CACNA2D1: variants seen among roughly 807,000 people sequenced by gnomAD.
CACNA2D1 encodes voltage-dependent calcium channel subunit alpha-2/delta-1.
CACNA2D1 carries 53 observed loss-of-function variants against 171.5 expected under a neutral mutation model. The ratio of observed to expected loss-of-function variants is 0.31; its 90% CI spans 0.25 to 0.39. CACNA2D1 has a LOEUF of 0.39. Ranked by LOEUF, CACNA2D1 falls within the 10% of genes least tolerant of loss-of-function variation. The pLI, the probability that CACNA2D1 is intolerant of heterozygous loss-of-function variation, is 1.00. For synonymous variants in CACNA2D1, 442 were observed against 443.1 expected (o/e 1.00, Z 0.03); for missense variants, 903 against 1,299.8 (o/e 0.69, Z 4.69).
At chr7:82,070,400 T>C (rs886890754) in intron 7 of CACNA2D1, among the ~76,000 whole-genome samples, 2 of 149,750 alleles carry the variant, frequency 1.3e-5, no homozygotes, top group African/African-American at 5.1e-5. Flanking sequence ...AAATCTTTTG[T>C]ATCTTAGTAT....
intron 1 of CACNA2D1, among the ~76,000 whole-genome samples, chr7:82,390,340 T>C (rs1824960079): frequency 6.6e-6 from 1 of 152,156 alleles, no homozygotes; most frequent in Admixed American, 6.5e-5. Flanking sequence ...ATATCACATG[T>C]ACCCAAGCAA....
chr7:82,006,630 T>C (rs1308311682), intron 16 of CACNA2D1, among the ~76,000 whole-genome samples: 1 of 152,152 alleles, frequency 6.6e-6, no homozygotes, highest in Non-Finnish European at 1.5e-5. Context: ...TCAACAACTA[T>C]GCTCTTTTCC....
At chr7:81,959,887 T>C in intron 36 of CACNA2D1, 58 bp from the exon 37 acceptor site, 1 of 1,567,834 alleles carries the variant, frequency 6.4e-7, no homozygotes, top group South Asian at 1.2e-5. Context: ...TAAATGGAAA[T>C]CTTTCAAAGA....
Position 82,146,418 on chromosome 7 carries a change from CTTTACATATACATATTTATA to C in CACNA2D1, c.355-9762_355-9743del, listed in dbSNP as rs1793080979. ...TATAAAGATATATATTTATATATAT[CTTTACATATACATATTTATA>C]TTTATATATATAAAGATATATATAA... On this transcript the variant is annotated intron_variant, in intron 4 of 38. Coordinates refer to ENST00000356860, the MANE Select transcript of CACNA2D1 (RefSeq NM_000722.4). Among the ~76,000 whole-genome samples, 4 of 138,484 alleles carry C rather than the reference CTTTACATATACATATTTATA, an allele frequency of 2.9e-5. 1 individual carries two copies. Among genetic ancestry groups the C allele is most frequent in the African/African-American group, 2.7e-5 (1 of 37,502 alleles). 90.9% of individuals were successfully genotyped at this position (138,484 alleles called of 152,430 possible).
chr7:82,083,553 G>T (rs924737668), intron 7 of CACNA2D1, among the ~76,000 whole-genome samples: 1 of 151,644 alleles, frequency 6.6e-6, no homozygotes, highest in Non-Finnish European at 1.5e-5. Context: ...TTCCATAAAG[G>T]GAAAATTCCA....
intron 3 of CACNA2D1, among the ~76,000 whole-genome samples, chr7:82,172,616 C>CTTTTTTTTTTTTTTT (rs55737158): frequency 1.6e-5 from 1 of 64,512 alleles, no homozygotes; most frequent in African/African-American, 7.5e-5. Flanking sequence ...AGAAACCCGG[C>CTTTTTTTTTTTTTTT]TTTTTTTTTT....
intron 38 of CACNA2D1, 47 bp from the exon 39 acceptor site, chr7:81,950,555 A>T (rs1483822664): frequency 6.4e-7 from 1 of 1,556,588 alleles, no homozygotes; most frequent in Non-Finnish European, 8.7e-7. Flanking sequence ...AAAATCTAAA[A>T]ATCTTGAAAA....
chr7:82,121,530 G>C (rs896003109), intron 5 of CACNA2D1, among the ~76,000 whole-genome samples: 12 of 152,162 alleles, frequency 7.9e-5, no homozygotes, highest in African/African-American at 2.9e-4. Flanking sequence ...GATGAATCTA[G>C]TACAATGACA....
At chr7:82,090,160 A>T (rs1053097466) in intron 6 of CACNA2D1, among the ~76,000 whole-genome samples, 14 of 152,148 alleles carry the variant, frequency 9.2e-5, no homozygotes, top group Non-Finnish European at 1.9e-4. Flanking sequence ...TATCCCTCCT[A>T]GAAAATTACA....
intron 3 of CACNA2D1, among the ~76,000 whole-genome samples, chr7:82,298,122 T>C (rs568630003): frequency 1.2e-4 from 19 of 152,332 alleles, no homozygotes; most frequent in African/African-American, 4.6e-4. Flanking sequence ...TGGTAATTAT[T>C]GAGTAATATT....
rs745501384 is a variant in CACNA2D1, at chr7:81,970,737, G to A, written c.2142C>T (p.Ile714=). 18 of 1,568,798 alleles carry A rather than the reference G, an allele frequency of 1.1e-5. No individual in the cohort carries two copies. Among genetic ancestry groups the A allele is most frequent in the Admixed American group, 8.4e-5 (5 of 59,720 alleles). The part of the protein sequence containing the change: ...VQNYWSKQKN[I]KGVKARFVVT... ...CAACAAATCGTGCTTTCACTCCCTT[G>A]CTGAAACAGAAGACAAAACAAGGAA... Residue 714 remains isoleucine (I), a splice_region_variant and synonymous_variant, in exon 27 of 39, where the codon ATC becomes ATT. Transcript: ENST00000356860.
At chr7:82,361,456 A>T (rs1381371506) in intron 1 of CACNA2D1, among the ~76,000 whole-genome samples, 1 of 152,174 alleles carries the variant, frequency 6.6e-6, no homozygotes, top group Non-Finnish European at 1.5e-5. Flanking sequence ...ACAGAAAAAG[A>T]AGTCATTTTT....
At chr7:82,360,693 G>A (rs1820993818) in intron 1 of CACNA2D1, among the ~76,000 whole-genome samples, 1 of 152,144 alleles carries the variant, frequency 6.6e-6, no homozygotes, top group South Asian at 2.1e-4. Context: ...TAGAAAATAT[G>A]ACTATTTCAG....
chr7:82,012,254 G>GGAAAAA lies in CACNA2D1; in HGVS notation c.1273-12_1273-11insTTTTTC. 1 of 1,223,360 alleles carries GGAAAAA rather than the reference G, an allele frequency of 8.2e-7. No individual in the cohort carries two copies. The highest frequency in any genetic ancestry group is 1.2e-6 in the Non-Finnish European group (1 of 854,940). 75.8% of individuals were successfully genotyped at this position (1,223,360 alleles called of 1,614,324 possible). A position where few individuals can be genotyped will look rare whatever the true frequency, so the allele number is the denominator to read the frequency against. On this transcript the variant is annotated splice_polypyrimidine_tract_variant and intron_variant, in intron 14 of 38. Transcript: ENST00000356860. The stretch of plus-strand genomic sequence containing the variant: ...AACATCCAAATATTCCTGTTTATGG[G>GGAAAAA]AAAAAAAAAAAAAGTCGTGGTTAAA...
chr7:82,324,369 A>G (rs958043680), intron 3 of CACNA2D1, among the ~76,000 whole-genome samples: 1 of 140,722 alleles, frequency 7.1e-6, no homozygotes, highest in African/African-American at 2.6e-5. Flanking sequence ...AAAAAAAAGA[A>G]GAAGGAAGGA....
intron 1 of CACNA2D1, among the ~76,000 whole-genome samples, chr7:82,373,592 T>TA (rs1383287310): frequency 6.6e-6 from 1 of 151,958 alleles, no homozygotes; most frequent in Non-Finnish European, 1.5e-5. Context: ...TAAAATGTAA[T>TA]AATCTTTGAC....
At chr7:82,403,665 G>A (rs1234442576) in intron 1 of CACNA2D1, among the ~76,000 whole-genome samples, 1 of 152,168 alleles carries the variant, frequency 6.6e-6, no homozygotes, top group Non-Finnish European at 1.5e-5. Context: ...CCACTGTCAA[G>A]GTTGAAGAGA....
At chr7:81,975,074 G>A (rs1029292460) in intron 24 of CACNA2D1, among the ~76,000 whole-genome samples, 1 of 151,868 alleles carries the variant, frequency 6.6e-6, no homozygotes, top group African/African-American at 2.4e-5. Context: ...ACACAACTGA[G>A]TGGACATAAA....
chr7:82,203,242 G>A (rs1007092872), intron 3 of CACNA2D1, among the ~76,000 whole-genome samples: 3 of 152,074 alleles, frequency 2.0e-5, no homozygotes, highest in Admixed American at 6.5e-5. Context: ...ACACCAGCAC[G>A]GATACATTCT....
Sources: gnomAD v4.1 joint callset for allele counts (sites outside exome capture counted in the v4.1 genomes callset) on GRCh38, gnomAD v4.1.1 for gene constraint, MANE v1.5 for transcripts, NCBI Gene and HGNC (gene_info 2026-07-23, HGNC 2026-07-21) for gene names.